CBFB: variants seen among roughly 807,000 people sequenced by gnomAD.
CBFB encodes the protein core-binding factor subunit beta, also known as CBF-beta.
A neutral mutation model predicts 30.4 loss-of-function variants in CBFB; 9 were observed. The ratio of observed to expected loss-of-function variants is 0.30; its 90% confidence interval spans 0.18 to 0.52. The LOEUF (loss-of-function observed/expected upper bound fraction) is 0.52. Among genes scored for constraint, CBFB ranks in the 20% least tolerant of loss-of-function variants. The pLI, the probability that CBFB is intolerant of heterozygous loss-of-function variation, is 0.97. For missense variants in CBFB, 170 were observed against 244.0 expected (o/e 0.70, Z 2.02); for synonymous variants, 94 against 84.0 (o/e 1.12, Z -0.65).
intron 2 of CBFB, among the ~76,000 whole-genome samples, chr16:67,034,116 CT>C: frequency 6.6e-6 from 1 of 152,316 alleles, no homozygotes; most frequent in Non-Finnish European, 1.5e-5. Context: ...GCTTGAGCCA[CT>C]GCACCCGGCC....
chr16:67,057,282 C>T (rs1233520889), intron 3 of CBFB, among the ~76,000 whole-genome samples: 1 of 152,176 alleles, frequency 6.6e-6, no homozygotes, highest in Non-Finnish European at 1.5e-5. Context: ...CGCGCCTATC[C>T]TCTAGCAGGC....
chr16:67,036,083 T>A (rs561077140), intron 2 of CBFB, among the ~76,000 whole-genome samples: 290 of 152,312 alleles, frequency 1.9e-3, no homozygotes, highest in Non-Finnish European at 3.4e-3. Context: ...GACATATTTT[T>A]AAAAATCATC....
chr16:67,036,383 A>C (rs1356844506), intron 2 of CBFB: 2 of 390,416 alleles, frequency 5.1e-6, no homozygotes, highest in Non-Finnish European at 9.2e-6. Context: ...ACGTCAGCAA[A>C]AAATGACCTG....
At chr16:67,053,074 C>T (rs1246435576) in intron 3 of CBFB, among the ~76,000 whole-genome samples, 1 of 151,554 alleles carries the variant, frequency 6.6e-6, no homozygotes, top group African/African-American at 2.4e-5. Context: ...CCGTCTCCCC[C>T]CACAAAATAA....
chr16:67,068,827 C>T (rs1291612534), intron 4 of CBFB, among the ~76,000 whole-genome samples: 1 of 152,074 alleles, frequency 6.6e-6, no homozygotes, highest in Non-Finnish European at 1.5e-5. Context: ...AAATTCTTTC[C>T]TTTTAATGTT....
chr16:67,073,543 C>G (rs1181502636), intron 4 of CBFB, among the ~76,000 whole-genome samples: 1 of 152,150 alleles, frequency 6.6e-6, no homozygotes, highest in Non-Finnish European at 1.5e-5. Context: ...GTCAGGAGTT[C>G]GAGACCAGCC....
chr16:67,050,581 G>C (rs1211866365), intron 3 of CBFB, among the ~76,000 whole-genome samples: 2 of 152,084 alleles, frequency 1.3e-5, no homozygotes, highest in Non-Finnish European at 2.9e-5. Context: ...GATTGCTTGA[G>C]TCCAGGAGTT....
chr16:67,029,549 A>G, intron 1 of CBFB, 64 bp downstream of exon 1: 1 of 1,495,288 alleles, frequency 6.7e-7, no homozygotes. Flanking sequence ...GGGCGGAGAA[A>G]AGTTTGGGCG....
chr16:67,029,494 G>A lies in CBFB; in HGVS notation c.78+9G>A. 2 of 1,581,638 alleles carry A rather than the reference G, an allele frequency of 1.3e-6. No individual in the cohort carries two copies. Among genetic ancestry groups the A allele is most frequent in the Non-Finnish European group, 1.7e-6 (2 of 1,165,694 alleles). ...TGAGCCGCGAGTGTGAGGTGAGGCA[G>A]GCGGGCGGGCGGCTAGGAGGCCGCA... On this transcript the variant is annotated intron_variant, in intron 1 of 5. Transcript: ENST00000412916.
Position 67,029,785 on chromosome 16 carries a change from A to G in CBFB, c.137A>G (p.Asn46Ser), listed in dbSNP as rs1360834846. 1 of 1,590,774 alleles carries G rather than the reference A, an allele frequency of 6.3e-7. No individual in the cohort carries two copies. The change falls in exon 2 of 6, where the codon AAC becomes AGC. Residue 46 changes from asparagine to serine, a missense_variant. Physicochemically the swap from Asn to Ser is conservative, Grantham distance 46. Transcript: ENST00000412916. The part of the protein sequence containing the change: ...PHEERQARFQ[N>S]ACRDGRSEIA... ...GAGGAACGCCAGGCACGCTTCCAGA[A>G]CGCCTGCCGCGACGGCCGCTCGGAA...
chr16:67,051,829 A>G (rs941733575), intron 3 of CBFB, among the ~76,000 whole-genome samples: 1 of 148,220 alleles, frequency 6.7e-6, no homozygotes, highest in African/African-American at 2.5e-5. Flanking sequence ...GCTCACTGCA[A>G]CCTCCACCTT....
At chr16:67,081,877 A>G (rs1373540146) in intron 4 of CBFB, among the ~76,000 whole-genome samples, 2 of 149,040 alleles carry the variant, frequency 1.3e-5, no homozygotes, top group Non-Finnish European at 1.5e-5. Context: ...CTGGAGTGCA[A>G]TGGCGCAATC....
At chr16:67,044,516 TAA>T (rs1424453641) in intron 3 of CBFB, among the ~76,000 whole-genome samples, 1 of 152,190 alleles carries the variant, frequency 6.6e-6, no homozygotes, top group Non-Finnish European at 1.5e-5. Flanking sequence ...AAAATTTTGA[TAA>T]GTTGTATTTT....
chr16:67,058,803 G>A (rs1388347448), intron 3 of CBFB, among the ~76,000 whole-genome samples: 1 of 152,154 alleles, frequency 6.6e-6, no homozygotes, highest in African/African-American at 2.4e-5. Flanking sequence ...ATAGACTAGA[G>A]CCACCAGTGT....
At chr16:67,098,574 G>A (rs1392018454) in intron 5 of CBFB, 136 bp from the exon 6 acceptor site, 1 of 569,414 alleles carries the variant, frequency 1.8e-6, no homozygotes, top group Non-Finnish European at 3.2e-6. Context: ...TTTTTTGCCT[G>A]TTACATGTGA....
chr16:67,048,548 G>A (rs1002787811), intron 3 of CBFB, among the ~76,000 whole-genome samples: 1 of 151,958 alleles, frequency 6.6e-6, no homozygotes, highest in African/African-American at 2.4e-5. Context: ...CAACTGAATG[G>A]TGTTTTTTGT....
chr16:67,040,912 C>T (rs1011896388), intron 3 of CBFB, among the ~76,000 whole-genome samples: 4 of 152,042 alleles, frequency 2.6e-5, no homozygotes, highest in Admixed American at 2.6e-4. Context: ...AGGAAACAGC[C>T]ATTATAAAGG....
intron 4 of CBFB, among the ~76,000 whole-genome samples, chr16:67,073,019 T>C (rs972915488): frequency 6.6e-6 from 1 of 152,148 alleles, no homozygotes; most frequent in African/African-American, 2.4e-5. Flanking sequence ...AGCCCCTTAC[T>C]TTTATTTTCT....
intron 3 of CBFB, among the ~76,000 whole-genome samples, chr16:67,055,194 G>A (rs952237082): frequency 6.6e-6 from 1 of 151,884 alleles, no homozygotes; most frequent in African/African-American, 2.4e-5. Context: ...TAATTATGTG[G>A]AGAGCATATT....
Sources: allele counts gnomAD v4.1 joint callset (sites outside exome capture counted in the v4.1 genomes callset), GRCh38; gene constraint gnomAD v4.1.1; transcripts MANE v1.5; gene names NCBI Gene and HGNC (gene_info 2026-07-23, HGNC 2026-07-21).